Variants in GLB1L3 observed in about 807,000 individuals in gnomAD.
GLB1L3 encodes the protein beta-galactosidase-1-like protein 3.
In GLB1L3, 89 loss-of-function variants were observed where a neutral mutation model predicts 89.5. The ratio of observed to expected loss-of-function variants is 0.99; its 90% CI spans 0.84 to 1.19. The LOEUF (loss-of-function observed/expected upper bound fraction) is 1.19. Ranked by LOEUF, GLB1L3 falls within the 50% of genes most tolerant of loss-of-function variation. GLB1L3 has a pLI of 0.00. For synonymous variants in GLB1L3, 314 were observed against 312.3 expected (o/e 1.01, Z -0.06); for missense variants, 812 against 813.3 (o/e 1.00, Z 0.02).
intron 6 of GLB1L3, among the ~76,000 whole-genome samples, chr11:134,284,122 C>G (rs531464826): frequency 2.0e-5 from 3 of 152,202 alleles, no homozygotes; most frequent in Non-Finnish European, 4.4e-5. Flanking sequence ...GCTTGCCAAT[C>G]TTCCCATTGC....
At chr11:134,276,074 C>T (rs890844004), upstream of GLB1L3, 3 of 152,724 alleles carry the variant, frequency 2.0e-5, no homozygotes, top group African/African-American at 7.2e-5. Context: ...GCCTCTGCCT[C>T]CTGCAGGTCC....
chr11:134,313,401 C>G lies in GLB1L3; in HGVS notation c.1506C>G (p.Cys502Trp). The change falls in exon 16 of 20, where the codon TGC becomes TGG. Residue 502 changes from cysteine to tryptophan, a missense_variant. Physicochemically the swap from Cys to Trp is radical, Grantham distance 215. Around this residue, in one of 3 missense-constraint regions of GLB1L3, gnomAD observed 618 missense variants for 604.0 expected, o/e 1.02. Transcript: ENST00000431683. ...KDLHIPELRD[C>W]RYLRILVENQ... ...GACCTGGCCTGTCCCAGCAGGACTGCCGATACCTGAGGATCCTGGTGGAGA... is the reference window on the plus strand; with the variant it reads ...GACCTGGCCTGTCCCAGCAGGACTGGCGATACCTGAGGATCCTGGTGGAGA... The G allele has an allele frequency of 6.3e-7, 1 of 1,578,900 alleles. No individual in the cohort carries two copies. The highest frequency in any genetic ancestry group is 8.6e-7 in the Non-Finnish European group (1 of 1,162,136).
rs1324992568 is a variant in GLB1L3 at position 134,292,948 on chromosome 11, C to T, written c.812-197C>T. On this transcript the variant is annotated intron_variant, in intron 8 of 19. Transcript: ENST00000431683. ...TGTGGTTAATTTCAACAGTGGGTGT[C>T]CTCGCAAGTGTCAGGGATGTGGCGA... 5.4e-5 allele frequency: 34 copies of T among 626,884 alleles called. No individual in the cohort carries two copies. In the East Asian group the frequency reaches 9.3e-4, roughly 17 times the overall value. The allele number at this position is 626,884 out of a possible 1,614,324, so 38.8% of individuals were successfully genotyped here.
downstream of GLB1L3, among the ~76,000 whole-genome samples, chr11:134,322,856 G>T (rs1943183733): frequency 6.6e-6 from 1 of 152,128 alleles, no homozygotes; most frequent in Non-Finnish European, 1.5e-5. Context: ...TGGATATTAT[G>T]AATAATGCTA....
the GLB1L3 span, among the ~76,000 whole-genome samples, chr11:134,324,790 C>T: frequency 6.6e-6 from 1 of 151,954 alleles, no homozygotes; most frequent in Admixed American, 6.5e-5. Flanking sequence ...TTATAAAAAA[C>T]ACATGCATGT....
chr11:134,276,489 C>A lies in GLB1L3; in HGVS notation c.-252C>A. On this transcript the variant is annotated 5_prime_UTR_variant, in exon 1 of 20. Transcript: ENST00000431683. ...GGGCAGAGAGGCGTCCGCGCCCGGA[C>A]GCACTGCGGGAACACCTGGAGCGCC... 1 of 370,246 alleles carries A rather than the reference C, an allele frequency of 2.7e-6. No individual in the cohort carries two copies. The highest frequency in any genetic ancestry group is 4.8e-6 in the Non-Finnish European group (1 of 208,464). The allele number at this position is 370,246 out of a possible 1,614,324, so 22.9% of individuals were successfully genotyped here. A position where few individuals can be genotyped will look rare whatever the true frequency, so the allele number is the denominator to read the frequency against.
chr11:134,309,032 G>T (rs185418552), intron 10 of GLB1L3, among the ~76,000 whole-genome samples: 11 of 152,236 alleles, frequency 7.2e-5, no homozygotes, highest in African/African-American at 2.6e-4. Context: ...GGACTATGGC[G>T]GTGTTTCCAA....
intron 10 of GLB1L3, among the ~76,000 whole-genome samples, chr11:134,308,221 C>T (rs1414089101): frequency 8.4e-5 from 2 of 23,878 alleles, no homozygotes; most frequent in East Asian, 1.8e-3. Flanking sequence ...CCACCATCAC[C>T]ATCACCACCA....
chr11:134,280,646 C>A (rs559584617), intron 3 of GLB1L3, among the ~76,000 whole-genome samples: 42 of 152,036 alleles, frequency 2.8e-4, no homozygotes, highest in African/African-American at 9.9e-4. Flanking sequence ...TTGTAACTTA[C>A]AACATACAAC....
At chr11:134,309,840 T>C (rs753168868) in intron 11 of GLB1L3, 77 bp downstream of exon 11, 1 of 1,517,976 alleles carries the variant, frequency 6.6e-7, no homozygotes, top group South Asian at 1.2e-5. Flanking sequence ...GGAAGCCTGT[T>C]CTGGCACCAC....
chr11:134,288,808 C>G lies in GLB1L3; in HGVS notation c.647C>G (p.Ala216Gly), dbSNP rs2136134361. The G allele has an allele frequency of 6.2e-7, 1 of 1,612,786 alleles. No homozygotes were observed. The highest frequency in any genetic ancestry group is 8.5e-7 in the Non-Finnish European group (1 of 1,179,202). ...ATGCTTGTTTCTCAGTACCGCCAGG[C>G]AGGCCCTGTCATCGCGGTGCAAGTG... ...PRVIPLQYRQAGPVIAVQVEN... is the reference protein window; with the variant it reads ...PRVIPLQYRQGGPVIAVQVEN... The change falls in exon 7 of 20, where the codon GCA (alanine) becomes GGA (glycine). Residue 216 changes from alanine to glycine, a missense_variant. Ala to Gly is a moderately conservative substitution (Grantham distance 60). Transcript: ENST00000431683.
chr11:134,316,919 A>G (rs1018452680), intron 18 of GLB1L3: 6 of 152,158 alleles, frequency 3.9e-5, no homozygotes, highest in Non-Finnish European at 8.8e-5. Context: ...GAACTTTGCT[A>G]TAGTAGGGCT....
At chr11:134,308,661 C>CCACCACCACCACCATCACCAT (rs1942559722) in intron 10 of GLB1L3, among the ~76,000 whole-genome samples, 1 of 148,342 alleles carries the variant, frequency 6.7e-6, no homozygotes, top group Non-Finnish European at 1.5e-5. Context: ...ATCATCACCA[C>CCACCACCACCACCATCACCAT]CACCACCACC....
Position 134,309,718 on chromosome 11 carries a change from G to C in GLB1L3, c.1054G>C (p.Gly352Arg). 2 of 1,613,500 alleles carry C rather than the reference G, an allele frequency of 1.2e-6. No individual in the cohort carries two copies. The highest frequency in any genetic ancestry group is 1.7e-6 in the Non-Finnish European group (2 of 1,179,754). The change falls in exon 11 of 20, where the codon GGG becomes CGG. Residue 352 changes from glycine to arginine, a missense_variant. Physicochemically the swap from Gly to Arg is moderately radical, Grantham distance 125. Transcript: ENST00000431683. ...HGGTNFGFMN[G>R]ATYFGKHSGI... ...TGGAACCAACTTTGGTTTCATGAAC[G>C]GGGCCACATATTTCGGGAAGCACTC...
intron 10 of GLB1L3, among the ~76,000 whole-genome samples, chr11:134,308,452 C>T (rs1383915235): frequency 0.027 from 978 of 35,862 alleles, 39 homozygotes; most frequent in African/African-American, 0.038. Context: ...ACCATCACCA[C>T]CACCACCACC....
intron 7 of GLB1L3, among the ~76,000 whole-genome samples, chr11:134,291,749 A>G (rs1291537215): frequency 6.6e-6 from 1 of 152,122 alleles, no homozygotes; most frequent in Non-Finnish European, 1.5e-5. Context: ...ACAAGGCGGG[A>G]GGCTCACTTC....
At chr11:134,281,053 A>G (rs951538468) in intron 3 of GLB1L3, among the ~76,000 whole-genome samples, 2 of 152,266 alleles carry the variant, frequency 1.3e-5, no homozygotes, top group South Asian at 4.1e-4. Context: ...AGGAAGATGT[A>G]GACATTTTTG....
rs1453934587 is a variant in GLB1L3 at position 134,277,928 on chromosome 11, T to A, written c.362+16T>A. 3 of 1,612,028 alleles carry A rather than the reference T, an allele frequency of 1.9e-6. No homozygotes were observed. On this transcript the variant is annotated intron_variant, in intron 3 of 19. Coordinates refer to ENST00000431683, the MANE Select transcript of GLB1L3 (RefSeq NM_001080407.3). ...CTGTCACCACGTGAGTGCCGGCCCC[T>A]CACCTCCAGGATCTCGTTACCCTAC...
Position 134,277,786 on chromosome 11 carries a change from A to T in GLB1L3, c.236A>T (p.His79Leu), listed in dbSNP as rs201445534. 2 of 1,614,006 alleles carry T rather than the reference A, an allele frequency of 1.2e-6. No homozygotes were observed. Among genetic ancestry groups the T allele is most frequent in the African/African-American group, 2.7e-5 (2 of 75,004 alleles). Reference protein sequence around the residue: ...GTESTGRGKPHFTLEGHKFLI... With the variant: ...GTESTGRGKPLFTLEGHKFLI... Reference sequence around the variant, plus strand: ...GAAAGCACAGGTCGGGGTAAGCCCCACTTCACACTGGAGGGCCACAAGTTC... The same window carrying T: ...GAAAGCACAGGTCGGGGTAAGCCCCTCTTCACACTGGAGGGCCACAAGTTC... The change falls in exon 3 of 20, where the codon CAC becomes CTC. Residue 79 changes from histidine (H) to leucine (L), a missense_variant. Physicochemically the swap from His to Leu is moderately conservative, Grantham distance 99 (BLOSUM62 -3). This residue lies in a region of GLB1L3 where 191 missense variants were observed against 191.4 expected (regional missense o/e 1.00). Coordinates refer to ENST00000431683, the MANE Select transcript of GLB1L3 (RefSeq NM_001080407.3).
Sources: allele counts gnomAD v4.1 joint callset (sites outside exome capture counted in the v4.1 genomes callset), GRCh38; gene constraint gnomAD v4.1.1; regional missense constraint gnomAD v4.1.1; transcripts MANE v1.5; gene names NCBI Gene and HGNC (gene_info 2026-07-23, HGNC 2026-07-21).